CAMK1D: variants seen among roughly 807,000 people sequenced by gnomAD.
CAMK1D encodes calcium/calmodulin dependent protein kinase ID, also known as calcium/calmodulin-dependent protein kinase type 1D.
Under a neutral mutation model 47.7 loss-of-function variants are expected in CAMK1D, and 9 were observed. That is an observed-to-expected ratio of 0.19 (90% CI 0.11 to 0.33). The LOEUF is 0.33. CAMK1D is among the 10% of genes least tolerant of loss of function. The probability of loss-of-function intolerance (pLI) is 1.00; values close to 1 mark genes in which losing one functional copy is unlikely to be tolerated. For synonymous variants in CAMK1D, 184 were observed against 184.9 expected (o/e 0.99, Z 0.04); for missense variants, 291 against 488.7 (o/e 0.60, Z 3.81).
At chr10:12,606,375 C>T (rs941694498) in intron 2 of CAMK1D, among the ~76,000 whole-genome samples, 6 of 152,186 alleles carry the variant, frequency 3.9e-5, no homozygotes, top group African/African-American at 1.4e-4. Context: ...TGCCTACTTC[C>T]GCCTAACCCA....
At chr10:12,681,221 A>G (rs1186521389) in intron 3 of CAMK1D, among the ~76,000 whole-genome samples, 2 of 152,016 alleles carry the variant, frequency 1.3e-5, no homozygotes, top group Admixed American at 6.6e-5. Context: ...GATCGCCACC[A>G]CTCCGTGTCT....
intron 3 of CAMK1D, among the ~76,000 whole-genome samples, chr10:12,674,748 C>A (rs545251483): frequency 6.6e-6 from 1 of 151,456 alleles, no homozygotes; most frequent in Non-Finnish European, 1.5e-5. Flanking sequence ...GAATATTAAT[C>A]CAGGGTCAGG....
At chr10:12,421,464 G>A (rs372542850) in intron 1 of CAMK1D, among the ~76,000 whole-genome samples, 11 of 144,188 alleles carry the variant, frequency 7.6e-5, no homozygotes, top group Non-Finnish European at 1.3e-4. Flanking sequence ...GGCTCTTGCC[G>A]TATTCCACTG....
chr10:12,427,700 G>GTTTTGTTTTTTTTTTTTT, intron 1 of CAMK1D, among the ~76,000 whole-genome samples: 1 of 31,030 alleles, frequency 3.2e-5, no homozygotes, highest in Non-Finnish European at 6.2e-5. Flanking sequence ...TGAACTTACT[G>GTTTTGTTTTTTTTTTTTT]TTTTTTTTTT....
At chr10:12,826,341 C>G (rs942106700) in intron 10 of CAMK1D, among the ~76,000 whole-genome samples, 13 of 152,194 alleles carry the variant, frequency 8.5e-5, no homozygotes, top group African/African-American at 3.1e-4. Context: ...AGAGCAGAGC[C>G]TCAGGACAGC....
intron 1 of CAMK1D, among the ~76,000 whole-genome samples, chr10:12,417,254 G>C (rs1839884250): frequency 6.6e-6 from 1 of 152,108 alleles, no homozygotes; most frequent in South Asian, 2.1e-4. Flanking sequence ...GTGTGTGTAT[G>C]TAAGACAGAA....
intron 2 of CAMK1D, among the ~76,000 whole-genome samples, chr10:12,574,469 T>TC (rs1837429584): frequency 2.7e-5 from 1 of 37,496 alleles, no homozygotes; most frequent in African/African-American, 1.6e-4. Flanking sequence ...GCCTAGCTAA[T>TC]TTTTTTTTTT....
intron 2 of CAMK1D, among the ~76,000 whole-genome samples, chr10:12,646,922 ATTT>A (rs1839826194): frequency 6.6e-6 from 1 of 151,750 alleles, no homozygotes. Flanking sequence ...GCTCACTGCA[ATTT>A]GCTCCTTCCA....
At chr10:12,780,612 C>T (rs1165792744) in intron 5 of CAMK1D, among the ~76,000 whole-genome samples, 1 of 152,168 alleles carries the variant, frequency 6.6e-6, no homozygotes, top group Non-Finnish European at 1.5e-5. Context: ...CCCATAGCGC[C>T]TCTGTTCCCA....
At chr10:12,757,954 C>A (rs767311185) in intron 3 of CAMK1D, among the ~76,000 whole-genome samples, 2 of 149,054 alleles carry the variant, frequency 1.3e-5, no homozygotes, top group Non-Finnish European at 3.0e-5. Flanking sequence ...CCAGTTCAAG[C>A]AGTTCTCCTG....
intron 1 of CAMK1D, among the ~76,000 whole-genome samples, chr10:12,478,099 G>T (rs1288955108): frequency 6.7e-6 from 1 of 148,432 alleles, no homozygotes; most frequent in Non-Finnish European, 1.5e-5. Flanking sequence ...TCCGCCTCCC[G>T]GGTTCATGCC....
chr10:12,816,106 G>T, intron 7 of CAMK1D, 144 bp from the exon 8 acceptor site: 2 of 572,082 alleles, frequency 3.5e-6, no homozygotes, highest in Non-Finnish European at 3.1e-6. Flanking sequence ...TGGTGCCTTT[G>T]TGTCCAAGGT....
chr10:12,572,178 C>G (rs150667101), intron 2 of CAMK1D, among the ~76,000 whole-genome samples: 6 of 152,204 alleles, frequency 3.9e-5, no homozygotes, highest in African/African-American at 1.2e-4. Context: ...CGTCCCCACC[C>G]AAATTTCATC....
chr10:12,622,565 GTTATAC>G (rs999181369), intron 2 of CAMK1D, among the ~76,000 whole-genome samples: 4 of 151,952 alleles, frequency 2.6e-5, no homozygotes, highest in Admixed American at 6.6e-5. Context: ...AGAGTTTTCA[GTTATAC>G]TTAGGAAGAA....
chr10:12,461,966 A>G (rs1833439772), intron 1 of CAMK1D, among the ~76,000 whole-genome samples: 1 of 140,486 alleles, frequency 7.1e-6, no homozygotes, highest in Non-Finnish European at 1.5e-5. Context: ...CCACTTCACC[A>G]GAATATTCCC....
intron 3 of CAMK1D, among the ~76,000 whole-genome samples, chr10:12,720,034 A>G (rs184411493): frequency 3.9e-5 from 6 of 152,374 alleles, no homozygotes; most frequent in Non-Finnish European, 7.3e-5. Context: ...ATTTGCATCT[A>G]GAACAAGCTC....
At chr10:12,373,955 T>TAA (rs1356790401) in intron 1 of CAMK1D, among the ~76,000 whole-genome samples, 242 of 32,500 alleles carry the variant, frequency 7.4e-3, no homozygotes, top group Non-Finnish European at 0.013. Flanking sequence ...ACACTCTTTA[T>TAA]CAAAAAAAAA....
intron 6 of CAMK1D, among the ~76,000 whole-genome samples, chr10:12,801,319 ATCT>A (rs1838432911): frequency 9.0e-6 from 1 of 111,446 alleles, no homozygotes. Context: ...CTATCTATCT[ATCT>A]ATCTATCTAT....
chr10:12,555,434 G>C (rs2815628), intron 2 of CAMK1D, among the ~76,000 whole-genome samples: 3 of 152,050 alleles, frequency 2.0e-5, no homozygotes, highest in South Asian at 4.1e-4. Context: ...TAGTTTGGTC[G>C]TTTCTAGGTT....
Sources: gnomAD v4.1 joint callset for allele counts (sites outside exome capture counted in the v4.1 genomes callset) on GRCh38, gnomAD v4.1.1 for gene constraint, MANE v1.5 for transcripts, NCBI Gene and HGNC (gene_info 2026-07-23, HGNC 2026-07-21) for gene names.